WNT2B: variants seen among roughly 807,000 people sequenced by gnomAD.
The protein encoded by WNT2B is protein Wnt-2b.
In WNT2B, 19 loss-of-function variants were observed where a neutral mutation model predicts 40.5. The observed-to-expected ratio is 0.47, with a 90% CI of 0.33 to 0.69. The LOEUF (loss-of-function observed/expected upper bound fraction) is 0.69. Among genes scored for constraint, WNT2B ranks in the 30% least tolerant of loss-of-function variants. The pLI is 0.02. For missense variants in WNT2B, 467 were observed against 556.4 expected, an observed-to-expected ratio of 0.84 and a Z score of 1.62; for synonymous variants, 220 against 211.9, an observed-to-expected ratio of 1.04 and a Z score of -0.33.
chr1:112,514,848 C>G, intron 1 of WNT2B, 26 bp from the exon 2 acceptor site: 1 of 1,612,026 alleles, frequency 6.2e-7, no homozygotes, highest in Non-Finnish European at 8.5e-7. Context: ...CTGGGATGTT[C>G]TGACAGGGCC....
chr1:112,509,476 G>A lies in WNT2B; in HGVS notation c.182+32G>A, dbSNP rs1652266166. The A allele has an allele frequency of 6.5e-7, 1 of 1,539,980 alleles. No homozygotes were observed. Among genetic ancestry groups the A allele is most frequent in the Non-Finnish European group, 8.6e-7 (1 of 1,159,264 alleles). On this transcript the variant is annotated intron_variant, in intron 1 of 4. Transcript: ENST00000369684. This position sits in a 1 kb window ranked among gnomAD's most constrained non-coding sequence, Gnocchi z 4.2. ...GTGGCTCTCAGGCTGGGCGGGTGAG[G>A]CGCTTGGTAGGAGAGGCCGGAGGCG...
chr1:112,482,818 CG>C (rs1651268321), intron 1 of WNT2B, among the ~76,000 whole-genome samples: 1 of 152,082 alleles, frequency 6.6e-6, no homozygotes, highest in Non-Finnish European at 1.5e-5. Context: ...AAAAAGATAT[CG>C]CATGTCCATA....
At chr1:112,512,099 T>C (rs565574724) in intron 1 of WNT2B, among the ~76,000 whole-genome samples, 1 of 151,550 alleles carries the variant, frequency 6.6e-6, no homozygotes, top group South Asian at 2.1e-4. Flanking sequence ...AGCAGATCCC[T>C]GGCCCGTTTG....
intron 1 of WNT2B, among the ~76,000 whole-genome samples, chr1:112,491,897 T>G (rs566607003): frequency 6.6e-6 from 1 of 152,034 alleles, no homozygotes; most frequent in Non-Finnish European, 1.5e-5. Flanking sequence ...TCTCAAAAAA[T>G]TTTTTCCAAT....
intron 1 of WNT2B, among the ~76,000 whole-genome samples, chr1:112,491,440 G>A (rs1256163331): frequency 6.6e-6 from 1 of 152,140 alleles, no homozygotes; most frequent in African/African-American, 2.4e-5. Context: ...AGATCAGATA[G>A]CATTTCAGAA....
In WNT2B at chr1:112,516,310, A is replaced by T; in HGVS notation, c.574A>T (p.Ile192Phe). Reference sequence around the variant, plus strand: ...TGACTGGGGTGGCTGCAGTGACAACATCCACTACGGTGTCCGTTTTGCCAA... The same window carrying T: ...TGACTGGGGTGGCTGCAGTGACAACTTCCACTACGGTGTCCGTTTTGCCAA... ...DFDWGGCSDNIHYGVRFAKAF... is the reference protein window; with the variant it reads ...DFDWGGCSDNFHYGVRFAKAF... Residue 192 changes from isoleucine (I) to phenylalanine (F), a missense_variant, in exon 3 of 5, where the codon ATC (isoleucine) becomes TTC (phenylalanine). Physicochemically the swap from Ile to Phe is conservative, Grantham distance 21. Transcript: ENST00000369684. 1.9e-6 allele frequency: 3 copies of T among 1,614,104 alleles called. No homozygotes were observed. The highest frequency in any genetic ancestry group is 2.5e-6 in the Non-Finnish European group (3 of 1,180,030).
intron 1 of WNT2B, among the ~76,000 whole-genome samples, chr1:112,480,784 G>GA (rs1651201026): frequency 6.6e-6 from 1 of 152,100 alleles, no homozygotes. Context: ...TCCGAGAAAA[G>GA]AAAACCTCAG....
intron 1 of WNT2B, among the ~76,000 whole-genome samples, chr1:112,468,943 A>C (rs1321347393): frequency 6.6e-6 from 1 of 152,176 alleles, no homozygotes; most frequent in South Asian, 2.1e-4. Flanking sequence ...TTTCCATCTT[A>C]CATTAAAATT....
Position 112,514,952 on chromosome 1 carries a change from G to T in WNT2B, c.261G>T (p.Gln87His), listed in dbSNP as rs1239728044. Residue 87 changes from glutamine (Q) to histidine (H), a missense_variant, in exon 2 of 5, where the codon CAG becomes CAT. Gln to His is a conservative substitution (Grantham distance 24). Coordinates refer to ENST00000369684, the MANE Select transcript of WNT2B (RefSeq NM_024494.3). The stretch of plus-strand genomic sequence containing the variant: ...TGAGCCGGCAGCGGCAGCTGTGCCA[G>T]CGTTACCCAGACATCATGCGTTCAG... ...GLVSRQRQLC[Q>H]RYPDIMRSVG... 3 of 1,614,112 alleles carry T rather than the reference G, an allele frequency of 1.9e-6. No homozygotes were observed. The African/African-American group carries it at 4.0e-5, about 22-fold the overall frequency.
intron 1 of WNT2B, chr1:112,490,915 T>C (rs1458285386): frequency 8.1e-5 from 104 of 1,284,664 alleles, no homozygotes; most frequent in Non-Finnish European, 2.1e-5. Flanking sequence ...TCCCAATAGC[T>C]CTACCCTAAA....
chr1:112,502,580 G>A (rs1209616551), intron 1 of WNT2B, among the ~76,000 whole-genome samples: 1 of 152,334 alleles, frequency 6.6e-6, no homozygotes, highest in African/African-American at 2.4e-5. Context: ...GGGGTGTGAA[G>A]CCCAAGGACA....
Position 112,517,171 on chromosome 1 carries a change from T to C in WNT2B, c.732T>C (p.Gly244=), listed in dbSNP as rs112638528. 6,031 of 1,614,078 alleles carry C rather than the reference T, an allele frequency of 3.7e-3. 182 individuals are homozygous for C. The African/African-American group carries it at 0.068, about 18-fold the overall frequency. The part of the protein sequence containing the change: ...KLECKCHGVS[G]SCTLRTCWRA... ...AGTGTAAGTGCCATGGCGTGAGTGG[T>C]TCCTGTACTCTGCGCACCTGCTGGC... Residue 244 remains glycine, a synonymous_variant, in exon 4 of 5, where the codon GGT becomes GGC. Transcript: ENST00000369684.
intron 1 of WNT2B, among the ~76,000 whole-genome samples, chr1:112,512,483 C>G (rs1330378926): frequency 6.6e-6 from 1 of 152,196 alleles, no homozygotes; most frequent in African/African-American, 2.4e-5. Flanking sequence ...GGGGACCACA[C>G]TTTGAGTAGC....
chr1:112,499,200 T>C (rs1352861401), intron 1 of WNT2B, among the ~76,000 whole-genome samples: 1 of 84,386 alleles, frequency 1.2e-5, no homozygotes, highest in Non-Finnish European at 2.4e-5. Flanking sequence ...AGCAAGACTG[T>C]CTCAAAAAAA....
Position 112,515,032 on chromosome 1 carries a change from A to G in WNT2B, c.341A>G (p.His114Arg), listed in dbSNP as rs1446559686. The G allele has an allele frequency of 1.9e-6, 3 of 1,614,082 alleles. No homozygotes were observed. The highest frequency in any genetic ancestry group is 2.5e-6 in the Non-Finnish European group (3 of 1,180,004). ...IRECQHQFRHHRWNCTTLDRD... is the reference protein window; with the variant it reads ...IRECQHQFRHRRWNCTTLDRD... Reference sequence around the variant, plus strand: ...GAGTGTCAGCACCAATTCCGCCACCACCGCTGGAACTGTACCACCCTGGAC... The same window carrying G: ...GAGTGTCAGCACCAATTCCGCCACCGCCGCTGGAACTGTACCACCCTGGAC... The change falls in exon 2 of 5, where the codon CAC (histidine) becomes CGC (arginine). Residue 114 changes from histidine (H) to arginine (R), a missense_variant. By Grantham distance (29) the His-to-Arg change is conservative. Transcript: ENST00000369684. This position sits in a 1 kb window ranked among gnomAD's most constrained non-coding sequence, Gnocchi z 4.4.
At chr1:112,507,485 T>G (rs1320185704), upstream of WNT2B, among the ~76,000 whole-genome samples, 1 of 152,166 alleles carries the variant, frequency 6.6e-6, no homozygotes, top group Non-Finnish European at 1.5e-5. Context: ...TGCAGCCCCT[T>G]CCCACTCTGC....
chr1:112,499,767 T>C (rs1651889564), intron 1 of WNT2B, among the ~76,000 whole-genome samples: 1 of 152,202 alleles, frequency 6.6e-6, no homozygotes, highest in African/African-American at 2.4e-5. Flanking sequence ...AGGTATTTCA[T>C]CAGAAAGAAA....
upstream of WNT2B, among the ~76,000 whole-genome samples, chr1:112,504,909 G>C (rs1290356812): frequency 1.3e-5 from 2 of 152,086 alleles, no homozygotes; most frequent in African/African-American, 4.8e-5. Flanking sequence ...GAGCAGGGTG[G>C]GGTAAGAGCT....
chr1:112,490,258 T>C (rs1444407234), intron 1 of WNT2B, among the ~76,000 whole-genome samples: 1 of 152,186 alleles, frequency 6.6e-6, no homozygotes, highest in Non-Finnish European at 1.5e-5. Context: ...AAGTAACTGT[T>C]GGAGAAAGGT....
Sources: allele counts gnomAD v4.1 joint callset (sites outside exome capture counted in the v4.1 genomes callset), GRCh38; gene constraint gnomAD v4.1.1; non-coding constraint Gnocchi (gnomAD v3.1); transcripts MANE v1.5; gene names NCBI Gene and HGNC (gene_info 2026-07-23, HGNC 2026-07-21).